PIP5K1B: variants seen among roughly 807,000 people sequenced by gnomAD.
PIP5K1B encodes the protein phosphatidylinositol 4-phosphate 5-kinase type-1 beta.
Under a neutral mutation model 67.0 loss-of-function variants are expected in PIP5K1B, and 42 were observed. The ratio of observed to expected loss-of-function variants is 0.63; its 90% CI spans 0.49 to 0.81. The LOEUF (loss-of-function observed/expected upper bound fraction) is 0.81. PIP5K1B is among the 30% of genes least tolerant of loss of function. The pLI is 0.00. For missense variants in PIP5K1B, 459 were observed against 646.3 expected (o/e 0.71, Z 3.14); for synonymous variants, 214 against 231.4 (o/e 0.92, Z 0.68).
chr9:68,891,322 C>T (rs72720053), intron 7 of PIP5K1B, among the ~76,000 whole-genome samples: 15,717 of 152,100 alleles, frequency 0.1, 910 homozygotes, highest in Non-Finnish European at 0.14. Flanking sequence ...ATATAATCCA[C>T]CCCATTAACA....
chr9:68,888,386 A>C (rs1158860342), intron 6 of PIP5K1B, among the ~76,000 whole-genome samples: 1 of 152,254 alleles, frequency 6.6e-6, no homozygotes, highest in African/African-American at 2.4e-5. Flanking sequence ...TGGGCTAACC[A>C]CAGCCTTGAG....
At chr9:68,730,250 C>T (rs1828358292) in intron 1 of PIP5K1B, among the ~76,000 whole-genome samples, 1 of 152,000 alleles carries the variant, frequency 6.6e-6, no homozygotes, top group Non-Finnish European at 1.5e-5. Flanking sequence ...GCATGAAGAA[C>T]AGAAGAAAAT....
intron 4 of PIP5K1B, among the ~76,000 whole-genome samples, chr9:68,834,841 T>C (rs1834512320): frequency 6.6e-6 from 1 of 152,196 alleles, no homozygotes; most frequent in Non-Finnish European, 1.5e-5. Flanking sequence ...TGGCTCTTAA[T>C]GATGTGGCAT....
At chr9:68,745,867 C>T (rs1484924691) in intron 2 of PIP5K1B, among the ~76,000 whole-genome samples, 2 of 152,158 alleles carry the variant, frequency 1.3e-5, no homozygotes, top group Admixed American at 6.5e-5. Flanking sequence ...TAAATGATAA[C>T]GTTTCCAAAT....
At chr9:68,786,916 C>T (rs772018959) in intron 2 of PIP5K1B, among the ~76,000 whole-genome samples, 3 of 152,072 alleles carry the variant, frequency 2.0e-5, no homozygotes, top group African/African-American at 2.4e-5. Context: ...AGTTTCCAAC[C>T]GGAAGGTTGG....
At chr9:68,941,840 G>C (rs918151246) in intron 14 of PIP5K1B, among the ~76,000 whole-genome samples, 1 of 152,190 alleles carries the variant, frequency 6.6e-6, no homozygotes, top group African/African-American at 2.4e-5. Flanking sequence ...AAGTTTGCTA[G>C]TCGGACCTGC....
intron 8 of PIP5K1B, among the ~76,000 whole-genome samples, chr9:68,905,094 A>G (rs1214931347): frequency 2.0e-5 from 3 of 152,060 alleles, no homozygotes; most frequent in Non-Finnish European, 2.9e-5. Flanking sequence ...AAAAGAACCT[A>G]CTGGTCTCTG....
intron 12 of PIP5K1B, among the ~76,000 whole-genome samples, chr9:68,932,611 T>C (rs1827056591): frequency 6.6e-6 from 1 of 152,194 alleles, no homozygotes; most frequent in South Asian, 2.1e-4. Flanking sequence ...TCACATCTGC[T>C]TCTGAATTCA....
At chr9:68,928,667 T>A (rs1826830812) in intron 12 of PIP5K1B, among the ~76,000 whole-genome samples, 1 of 152,220 alleles carries the variant, frequency 6.6e-6, no homozygotes, top group Non-Finnish European at 1.5e-5. Flanking sequence ...GTCAAGTACT[T>A]TATCACTTTT....
chr9:68,984,603 T>C (rs1587761025), intron 14 of PIP5K1B, among the ~76,000 whole-genome samples: 1 of 152,344 alleles, frequency 6.6e-6, no homozygotes, highest in East Asian at 1.9e-4. Context: ...TTGGTTTAAA[T>C]ATTAAATTGT....
At chr9:68,995,153 T>G (rs1830548154) in intron 15 of PIP5K1B, among the ~76,000 whole-genome samples, 2 of 126,810 alleles carry the variant, frequency 1.6e-5, no homozygotes, top group South Asian at 4.9e-4. Flanking sequence ...CTAAAGAAAT[T>G]GAAAGAAAAG....
intron 4 of PIP5K1B, among the ~76,000 whole-genome samples, chr9:68,823,809 C>T (rs2132076883): frequency 6.6e-6 from 1 of 152,314 alleles, no homozygotes; most frequent in South Asian, 2.1e-4. Context: ...TCATAAAGTA[C>T]ATGAGCTATG....
At chr9:68,729,878 A>G (rs1334735373) in intron 1 of PIP5K1B, among the ~76,000 whole-genome samples, 1 of 152,158 alleles carries the variant, frequency 6.6e-6, no homozygotes. Flanking sequence ...ATTTCATTGA[A>G]TATACCCTTA....
At chr9:68,786,907 G>T (rs1831652141) in intron 2 of PIP5K1B, among the ~76,000 whole-genome samples, 1 of 152,184 alleles carries the variant, frequency 6.6e-6, no homozygotes, top group Admixed American at 6.5e-5. Context: ...TGATGGAAGA[G>T]TTTCCAACCG....
intron 5 of PIP5K1B, among the ~76,000 whole-genome samples, chr9:68,869,751 G>A (rs954882694): frequency 6.6e-6 from 1 of 152,152 alleles, no homozygotes; most frequent in Admixed American, 6.5e-5. Context: ...GCCGAGGTGG[G>A]AAGATCACAT....
At chr9:68,975,844 G>T (rs1829610837) in intron 14 of PIP5K1B, among the ~76,000 whole-genome samples, 1 of 152,062 alleles carries the variant, frequency 6.6e-6, no homozygotes, top group African/African-American at 2.4e-5. Flanking sequence ...GTGTATTTGT[G>T]TCTCTATGTC....
chr9:68,748,132 T>C (rs961507514), intron 2 of PIP5K1B, among the ~76,000 whole-genome samples: 4 of 152,240 alleles, frequency 2.6e-5, no homozygotes, highest in African/African-American at 9.6e-5. Flanking sequence ...ATAAAAGGAA[T>C]CGTACAATCT....
chr9:68,980,005 A>G (rs1047776965), intron 14 of PIP5K1B, among the ~76,000 whole-genome samples: 3 of 152,142 alleles, frequency 2.0e-5, no homozygotes, highest in Non-Finnish European at 4.4e-5. Context: ...AAGCTTTTCT[A>G]CTTCCCTGGG....
At chr9:69,007,878 C>T (rs1831163900) in intron 15 of PIP5K1B, among the ~76,000 whole-genome samples, 1 of 151,680 alleles carries the variant, frequency 6.6e-6, no homozygotes, top group African/African-American at 2.4e-5. Flanking sequence ...AATAGGAAAT[C>T]AGATGATTTG....
Sources: allele counts gnomAD v4.1 joint callset (sites outside exome capture counted in the v4.1 genomes callset), GRCh38; gene constraint gnomAD v4.1.1; transcripts MANE v1.5; gene names NCBI Gene and HGNC (gene_info 2026-07-23, HGNC 2026-07-21).